The following KIAA1217 variants were observed in gnomAD, a reference collection of about 807,000 sequenced individuals.
The protein encoded by KIAA1217 is KIAA1217.
In KIAA1217, 88 loss-of-function variants were observed where a neutral mutation model predicts 163.9. That is an observed-to-expected ratio of 0.54 (90% CI 0.45 to 0.64). The LOEUF (loss-of-function observed/expected upper bound fraction) is 0.64. KIAA1217 is among the 30% of genes least tolerant of loss of function. The pLI, the probability that KIAA1217 is intolerant of heterozygous loss-of-function variation, is 0.00. For missense variants in KIAA1217, 2,372 were observed against 2,475.0 expected (o/e 0.96, Z 0.88); for synonymous variants, 903 against 923.1 (o/e 0.98, Z 0.39).
chr10:24,526,501 C>T (rs2072210457), intron 13 of KIAA1217, among the ~76,000 whole-genome samples: 1 of 152,120 alleles, frequency 6.6e-6, no homozygotes, highest in African/African-American at 2.4e-5. Flanking sequence ...TATGATGGCA[C>T]TCTTATTTAA....
chr10:24,508,544 A>G (rs2068673549), intron 9 of KIAA1217, among the ~76,000 whole-genome samples: 1 of 152,328 alleles, frequency 6.6e-6, no homozygotes, highest in Admixed American at 6.5e-5. Flanking sequence ...TAAAATGTCT[A>G]ATTGGCTTTA....
At chr10:24,317,003 G>A (rs1231345538) in intron 2 of KIAA1217, among the ~76,000 whole-genome samples, 1 of 152,122 alleles carries the variant, frequency 6.6e-6, no homozygotes, top group Non-Finnish European at 1.5e-5. Context: ...TACGCTGAGT[G>A]TGTGGGGGGC....
At chr10:24,355,728 C>CTTTTTTTTT (rs869211148) in intron 2 of KIAA1217, among the ~76,000 whole-genome samples, 426 of 32,216 alleles carry the variant, frequency 0.013, 162 homozygotes, top group Non-Finnish European at 0.025. Flanking sequence ...AGTCCTCACT[C>CTTTTTTTTT]TTTTTTTTTT....
intron 1 of KIAA1217, among the ~76,000 whole-genome samples, chr10:23,882,753 G>A (rs777596099): frequency 1.3e-5 from 2 of 151,916 alleles, no homozygotes; most frequent in Non-Finnish European, 2.9e-5. Context: ...AATGTCTCCT[G>A]CTTTACCTAG....
intron 2 of KIAA1217, among the ~76,000 whole-genome samples, chr10:24,239,541 C>G (rs2072768588): frequency 1.4e-5 from 2 of 145,306 alleles, no homozygotes; most frequent in South Asian, 2.1e-4. Flanking sequence ...TTGAATAGAG[C>G]TGAAAACAAG....
chr10:23,974,903 A>G (rs574089330), intron 1 of KIAA1217, among the ~76,000 whole-genome samples: 1 of 149,994 alleles, frequency 6.7e-6, no homozygotes, highest in Non-Finnish European at 1.5e-5. Flanking sequence ...ATAGATAGGC[A>G]TCTGCTCTTT....
intron 2 of KIAA1217, among the ~76,000 whole-genome samples, chr10:24,325,526 T>C (rs894658411): frequency 6.6e-6 from 1 of 152,142 alleles, no homozygotes; most frequent in Non-Finnish European, 1.5e-5. Context: ...AGGTCTCAGA[T>C]AGTTAAGGCA....
chr10:24,451,011 A>G (rs1173049942), intron 5 of KIAA1217, among the ~76,000 whole-genome samples: 1 of 152,214 alleles, frequency 6.6e-6, no homozygotes, highest in African/African-American at 2.4e-5. Context: ...TGTAGCATCC[A>G]AAACCTAGTA....
chr10:24,388,247 A>G (rs568582170), intron 3 of KIAA1217, among the ~76,000 whole-genome samples: 115 of 152,302 alleles, frequency 7.6e-4, no homozygotes, highest in Middle Eastern at 6.8e-3. Context: ...CAGAAATAAT[A>G]CCACACATCT....
intron 2 of KIAA1217, among the ~76,000 whole-genome samples, chr10:24,167,145 G>A (rs546602237): frequency 5.5e-4 from 84 of 151,940 alleles, no homozygotes; most frequent in African/African-American, 2.0e-3. Context: ...CAACTGGTAA[G>A]ATTCCTTTCT....
intron 2 of KIAA1217, among the ~76,000 whole-genome samples, chr10:24,112,464 C>G (rs749381743): frequency 1.3e-5 from 2 of 152,140 alleles, no homozygotes; most frequent in Non-Finnish European, 2.9e-5. Flanking sequence ...TTATGTCCAC[C>G]CAGGACTTCA....
chr10:23,741,217 A>G (rs1839094579), intron 1 of KIAA1217, among the ~76,000 whole-genome samples: 1 of 152,162 alleles, frequency 6.6e-6, no homozygotes, highest in African/African-American at 2.4e-5. Flanking sequence ...AAGCATAGGA[A>G]GAGAGAACAC....
intron 2 of KIAA1217, among the ~76,000 whole-genome samples, chr10:24,378,816 C>T (rs1469776387): frequency 6.6e-6 from 1 of 151,930 alleles, no homozygotes; most frequent in African/African-American, 2.4e-5. Flanking sequence ...TGAATAACAA[C>T]AAAAAGAGGA....
At chr10:24,175,770 GGTGAGT>G (rs2065856693) in intron 2 of KIAA1217, among the ~76,000 whole-genome samples, 1 of 152,060 alleles carries the variant, frequency 6.6e-6, no homozygotes, top group Non-Finnish European at 1.5e-5. Context: ...AGACCTTCGT[GGTGAGT>G]GTTACAGTTC....
At chr10:23,875,484 G>A (rs944963565) in intron 1 of KIAA1217, among the ~76,000 whole-genome samples, 26 of 151,924 alleles carry the variant, frequency 1.7e-4, no homozygotes, top group African/African-American at 6.0e-4. Flanking sequence ...TTTTCCCCAT[G>A]AAAATGCACC....
intron 1 of KIAA1217, among the ~76,000 whole-genome samples, chr10:24,215,645 T>A (rs950079728): frequency 1.3e-5 from 2 of 152,190 alleles, no homozygotes; most frequent in Non-Finnish European, 2.9e-5. Flanking sequence ...AAAGACCACA[T>A]TCTCCTTAAA....
In KIAA1217 at chr10:24,504,776, A is replaced by G. The variant is rs533953229; in HGVS notation, c.2001+3231A>G. 2.0e-5 allele frequency among the ~76,000 whole-genome samples: 3 copies of G among 152,366 alleles called. No individual in the cohort carries two copies. The South Asian group carries it at 6.2e-4, about 32-fold the overall frequency. On this transcript the variant is annotated intron_variant, in intron 9 of 20. Transcript: ENST00000376454. ...AATCCTAGACTGTAGAGCATATCCTATTTGAGCATTTCATTTTCAAAACTG... is the reference window on the plus strand; with the variant it reads ...AATCCTAGACTGTAGAGCATATCCTGTTTGAGCATTTCATTTTCAAAACTG...
intron 1 of KIAA1217, among the ~76,000 whole-genome samples, chr10:23,712,595 C>CT (rs775001737): frequency 4.6e-5 from 7 of 151,846 alleles, no homozygotes; most frequent in South Asian, 4.2e-4. Flanking sequence ...TTCAAGGGCA[C>CT]TTTTTTTTAA....
intron 1 of KIAA1217, among the ~76,000 whole-genome samples, chr10:23,836,130 G>C (rs1247558517): frequency 2.0e-5 from 3 of 152,064 alleles, no homozygotes; most frequent in African/African-American, 7.2e-5. Flanking sequence ...CTAGATTCTG[G>C]AATTTCTATT....
Sources: gnomAD v4.1 joint callset for allele counts (sites outside exome capture counted in the v4.1 genomes callset) on GRCh38, gnomAD v4.1.1 for gene constraint, MANE v1.5 for transcripts, NCBI Gene and HGNC (gene_info 2026-07-23, HGNC 2026-07-21) for gene names.